Variants in PLP1 observed in about 807,000 individuals in gnomAD.
The protein encoded by PLP1 is myelin proteolipid protein.
In PLP1, 2 loss-of-function variants were observed where a neutral mutation model predicts 18.5. The observed-to-expected ratio is 0.11, with a 90% CI of 0.04 to 0.34. PLP1 has a LOEUF of 0.34. PLP1 is among the 10% of genes least tolerant of loss of function. The probability of loss-of-function intolerance (pLI) is 1.00; values close to 1 mark genes in which losing one functional copy is unlikely to be tolerated. For synonymous variants in PLP1, 86 were observed against 83.2 expected, an observed-to-expected ratio of 1.03 and a Z score of -0.19; for missense variants, 105 against 207.3, an observed-to-expected ratio of 0.51 and a Z score of 3.03.
intron 6 of PLP1, 65 bp downstream of exon 6, chrX:103,789,463 T>C (rs2074526709): frequency 1.2e-6 from 1 of 854,060 alleles, no homozygotes; most frequent in African/African-American, 2.0e-5. Flanking sequence ...ACAGCTATTC[T>C]GAAAGGCAAG....
rs141638303 is a variant in PLP1, at chrX:103,784,182, C to T, written c.5-1400C>T. ...AGCCTGTGACTTCTTGTGTGCCTCTCCTGTTTCTCAGCAACACTGGCATAG... is the reference window on the plus strand; with the variant it reads ...AGCCTGTGACTTCTTGTGTGCCTCTTCTGTTTCTCAGCAACACTGGCATAG... On this transcript the variant is annotated intron_variant, in intron 1 of 6. Transcript: ENST00000621218. 8.1e-3 allele frequency among the ~76,000 whole-genome samples: 899 copies of T among 111,489 alleles called. 6 individuals carry two copies. The highest frequency in any genetic ancestry group is 0.028 in the African/African-American group (851 of 30,658).
At chrX:103,783,613 C>T (rs373844748) in intron 1 of PLP1, among the ~76,000 whole-genome samples, 1 of 111,905 alleles carries the variant, frequency 8.9e-6, no homozygotes, top group African/African-American at 3.2e-5. Flanking sequence ...TTTGATCTTT[C>T]CAAATCTGTT....
intron 1 of PLP1, chrX:103,780,681 T>G (rs1225806424): frequency 8.9e-6 from 1 of 111,875 alleles, no homozygotes; most frequent in East Asian, 2.8e-4. Context: ...AGTGCTGATA[T>G]CAAAAGGGAT....
intron 3 of PLP1, among the ~76,000 whole-genome samples, chrX:103,787,196 AGAGGGAATT>A (rs1210757045): frequency 8.9e-6 from 1 of 111,846 alleles, no homozygotes; most frequent in Non-Finnish European, 1.9e-5. Flanking sequence ...TCGAGGTCCC[AGAGGGAATT>A]GGAGTAGATC....
chrX:103,780,558 C>T (rs1378827726), intron 1 of PLP1, among the ~76,000 whole-genome samples: 1 of 110,199 alleles, frequency 9.1e-6, no homozygotes, highest in African/African-American at 3.3e-5. Context: ...AAAGAGGAGG[C>T]TGAGATTCCT....
Position 103,791,984 on chromosome X carries a change from T to C in PLP1, c.*1386T>C, listed in dbSNP as rs2074548647. On this transcript the variant is annotated 3_prime_UTR_variant, in exon 7 of 7. Transcript: ENST00000621218. Reference sequence around the variant, plus strand: ...ACATAAAGGTTATTTTCTCCTGATATAGATCACATAACAGAATGCACCAGT... The same window carrying C: ...ACATAAAGGTTATTTTCTCCTGATACAGATCACATAACAGAATGCACCAGT... 1 of 111,985 alleles carries C rather than the reference T, an allele frequency of 8.9e-6. No homozygotes were observed. The highest frequency in any genetic ancestry group is 3.2e-5 in the African/African-American group (1 of 30,807). 9.2% of individuals were successfully genotyped at this position (111,985 alleles called of 1,213,427 possible).
chrX:103,789,058 G>T, intron 5 of PLP1: 2 of 383,338 alleles, frequency 5.2e-6, no homozygotes, highest in Non-Finnish European at 9.1e-6. Flanking sequence ...TTAAATTTTG[G>T]GCCCCTGGGC....
At position 103,790,624 on chromosome X, in the gene PLP1, T is replaced by C. The variant is rs777530817; in HGVS notation, c.*26T>C. 2 of 1,101,291 alleles carry C rather than the reference T, an allele frequency of 1.8e-6. No individual in the cohort carries two copies. Among genetic ancestry groups the C allele is most frequent in the Non-Finnish European group, 2.5e-6 (2 of 796,192 alleles). The allele number at this position is 1,101,291 out of a possible 1,213,427, so 90.8% of individuals were successfully genotyped here. On this transcript the variant is annotated 3_prime_UTR_variant, in exon 7 of 7. Coordinates refer to ENST00000621218, the MANE Select transcript of PLP1 (RefSeq NM_000533.5). ...TCCCCCGTAGAAATCCCCCTTTCTCTAATAGCGAGGCTCTAACCACACAGC... is the reference window on the plus strand; with the variant it reads ...TCCCCCGTAGAAATCCCCCTTTCTCCAATAGCGAGGCTCTAACCACACAGC...
At chrX:103,789,230 C>T in intron 5 of PLP1, 103 bp from the exon 6 acceptor site, 1 of 665,310 alleles carries the variant, frequency 1.5e-6, no homozygotes, top group Non-Finnish European at 2.5e-6. Flanking sequence ...AATTAGCACA[C>T]AAGAAAGATA....
intron 5 of PLP1, 74 bp from the exon 6 acceptor site, chrX:103,789,259 T>C: frequency 5.4e-6 from 4 of 744,345 alleles, no homozygotes; most frequent in Non-Finnish European, 8.5e-6. Context: ...TTCAGAAAGC[T>C]GTATTCATGA....
intron 2 of PLP1, chrX:103,786,166 T>G (rs1346398431): frequency 1.8e-6 from 2 of 1,113,311 alleles, no homozygotes; most frequent in African/African-American, 3.7e-5. Context: ...AGCTCCCTAC[T>G]CCTGTGAGTT....
intron 2 of PLP1, 145 bp from the exon 3 acceptor site, chrX:103,786,320 G>A (rs1205988418): frequency 9.5e-7 from 1 of 1,057,570 alleles, no homozygotes; most frequent in Non-Finnish European, 1.3e-6. Flanking sequence ...GTGAAAGCAT[G>A]CAGGAGGAAC....
chrX:103,787,045 G>A, intron 3 of PLP1: 1 of 312,388 alleles, frequency 3.2e-6, no homozygotes, highest in Middle Eastern at 9.6e-4. Context: ...TACCACAAGA[G>A]TGGATCTAAC....
intron 3 of PLP1, 197 bp from the exon 4 acceptor site, chrX:103,787,601 T>G: frequency 8.8e-6 from 4 of 455,669 alleles, no homozygotes; most frequent in Non-Finnish European, 1.6e-5. Flanking sequence ...CCACCCTCCG[T>G]TATACTGGGG....
In PLP1 at chrX:103,786,796, G is replaced by C. The variant is rs767421490; in HGVS notation, c.453+70G>C. On this transcript the variant is annotated intron_variant, in intron 3 of 6. Transcript: ENST00000621218. ...AAATTGGGCGCGAGTCTGTGGCCTC[G>C]TCCCCACCCAAGGCTGGGTCCTCTC... 6.4e-6 allele frequency: 7 copies of C among 1,097,717 alleles called. No individual in the cohort carries two copies. The East Asian group carries it at 1.2e-4, about 19-fold the overall frequency. The allele number at this position is 1,097,717 out of a possible 1,213,427, so 90.5% of individuals were successfully genotyped here.
chrX:103,785,858 C>T (rs964649464), intron 2 of PLP1, 90 bp downstream of exon 2: 1 of 870,110 alleles, frequency 1.1e-6, no homozygotes, highest in African/African-American at 2.0e-5. Flanking sequence ...TAGTAACTAG[C>T]AGGGGACTGG....
chrX:103,790,633 G>A lies in PLP1; in HGVS notation c.*35G>A. On this transcript the variant is annotated 3_prime_UTR_variant, in exon 7 of 7. Transcript: ENST00000621218. ...GAAATCCCCCTTTCTCTAATAGCGA[G>A]GCTCTAACCACACAGCCTACAATGC... 3 of 1,026,667 alleles carry A rather than the reference G, an allele frequency of 2.9e-6. No homozygotes were observed. The highest frequency in any genetic ancestry group is 4.1e-6 in the Non-Finnish European group (3 of 726,713). 84.6% of individuals were successfully genotyped at this position (1,026,667 alleles called of 1,213,427 possible). A position where few individuals can be genotyped will look rare whatever the true frequency, so the allele number is the denominator to read the frequency against.
chrX:103,780,186 G>A (rs2074441083), intron 1 of PLP1: 1 of 112,665 alleles, frequency 8.9e-6, no homozygotes, highest in African/African-American at 3.2e-5. Flanking sequence ...AGAGTCCCAA[G>A]GAAGAGAATA....
At chrX:103,788,177 A>G (rs2074514779) in intron 4 of PLP1, among the ~76,000 whole-genome samples, 1 of 111,905 alleles carries the variant, frequency 8.9e-6, no homozygotes, top group African/African-American at 3.3e-5. Context: ...TTTCTTGGCC[A>G]TTCACATTGG....
Sources: allele counts gnomAD v4.1 joint callset (sites outside exome capture counted in the v4.1 genomes callset), GRCh38; gene constraint gnomAD v4.1.1; transcripts MANE v1.5; gene names NCBI Gene and HGNC (gene_info 2026-07-23, HGNC 2026-07-21).